The following PTPRD variants were observed in gnomAD, a reference collection of about 807,000 sequenced individuals.
PTPRD encodes the protein receptor-type tyrosine-protein phosphatase delta.
Under a neutral mutation model 214.5 loss-of-function variants are expected in PTPRD, and 34 were observed. The ratio of observed to expected loss-of-function variants is 0.16; its 90% CI spans 0.12 to 0.21. The LOEUF (loss-of-function observed/expected upper bound fraction) is 0.21, where lower values mean the gene tolerates loss of function less well. PTPRD is among the 10% of genes least tolerant of loss of function. PTPRD has a pLI of 1.00. For missense variants in PTPRD, 2,545 were observed against 2,398.7 expected (o/e 1.06, Z -1.27); for synonymous variants, 1,128 against 845.7 (o/e 1.33, Z -5.79).
chr9:9,381,098 T>G (rs1262542175), intron 9 of PTPRD, among the ~76,000 whole-genome samples: 3 of 152,150 alleles, frequency 2.0e-5, no homozygotes, highest in Admixed American at 2.0e-4. Flanking sequence ...GGCTTCCCTA[T>G]AGACAACATA....
intron 5 of PTPRD, among the ~76,000 whole-genome samples, chr9:9,780,532 A>C (rs1290143728): frequency 1.3e-5 from 2 of 152,204 alleles, no homozygotes; most frequent in East Asian, 3.9e-4. Context: ...GGTAACAAAG[A>C]GTTACCACCA....
At chr9:8,899,749 G>T (rs180682965) in intron 11 of PTPRD, among the ~76,000 whole-genome samples, 1 of 152,150 alleles carries the variant, frequency 6.6e-6, no homozygotes, top group African/African-American at 2.4e-5. Flanking sequence ...GCTAAATTTC[G>T]CCCAGATGCT....
In PTPRD at chr9:10,330,406, C is replaced by T. The variant is rs949763220; in HGVS notation, c.-545+10557G>A. ...TTCCTGGGCAGATTTGCACTCCTGA[C>T]TGTGGGTTATTATAAGATAATGTAG... On this transcript the variant is annotated intron_variant, in intron 3 of 45. Coordinates refer to ENST00000381196, the MANE Select transcript of PTPRD (RefSeq NM_002839.4). 3.3e-5 allele frequency among the ~76,000 whole-genome samples: 5 copies of T among 151,808 alleles called. No homozygotes were observed. The South Asian group carries it at 6.2e-4, about 19-fold the overall frequency.
At chr9:10,302,613 C>T (rs984993223) in intron 3 of PTPRD, among the ~76,000 whole-genome samples, 2 of 152,102 alleles carry the variant, frequency 1.3e-5, no homozygotes, top group African/African-American at 2.4e-5. Flanking sequence ...GGGTTACAAT[C>T]GTAGTCTCTG....
At chr9:8,958,567 T>C (rs2099143461) in intron 11 of PTPRD, among the ~76,000 whole-genome samples, 1 of 151,854 alleles carries the variant, frequency 6.6e-6, no homozygotes, top group Non-Finnish European at 1.5e-5. Context: ...AATGATTGAC[T>C]CAGAAACCAA....
intron 11 of PTPRD, among the ~76,000 whole-genome samples, chr9:8,735,137 TG>T (rs2089885909): frequency 7.0e-6 from 1 of 143,644 alleles, no homozygotes; most frequent in South Asian, 2.2e-4. Context: ...GGTTTTTTTT[TG>T]TTTTTTTTTT....
Position 9,641,922 on chromosome 9 carries a change from G to T in PTPRD, c.-286-67141C>A, listed in dbSNP as rs143214847. 3.0e-3 allele frequency among the ~76,000 whole-genome samples: 453 copies of T among 152,218 alleles called. 5 individuals are homozygous for T. Among genetic ancestry groups the T allele is most frequent in the African/African-American group, 0.01 (430 of 41,540 alleles). On this transcript the variant is annotated intron_variant, in intron 7 of 45. Coordinates refer to ENST00000381196, the MANE Select transcript of PTPRD (RefSeq NM_002839.4). ...CCTCAGGACTCAGACCTTAGCTATAGATTAAAATAAGTTAATCATGCTGCT... is the reference window on the plus strand; with the variant it reads ...CCTCAGGACTCAGACCTTAGCTATATATTAAAATAAGTTAATCATGCTGCT...
intron 5 of PTPRD, among the ~76,000 whole-genome samples, chr9:9,834,183 T>C (rs1245517572): frequency 1.3e-5 from 2 of 152,226 alleles, no homozygotes; most frequent in East Asian, 3.9e-4. Flanking sequence ...ATCCACGTTC[T>C]TCTGCCATGG....
chr9:9,644,708 C>G (rs1271590006), intron 7 of PTPRD, among the ~76,000 whole-genome samples: 1 of 151,866 alleles, frequency 6.6e-6, no homozygotes, highest in African/African-American at 2.4e-5. Flanking sequence ...CAAAATGTTG[C>G]TTTTTCCAAA....
intron 9 of PTPRD, among the ~76,000 whole-genome samples, chr9:9,271,467 C>T (rs1227991816): frequency 6.6e-6 from 1 of 151,288 alleles, no homozygotes; most frequent in African/African-American, 2.4e-5. Flanking sequence ...AAATACAGTT[C>T]ATATTCTTAC....
intron 3 of PTPRD, among the ~76,000 whole-genome samples, chr9:10,302,538 C>G (rs1033221860): frequency 6.6e-6 from 1 of 152,152 alleles, no homozygotes; most frequent in African/African-American, 2.4e-5. Context: ...TGCAAAGACA[C>G]ACATATGCTC....
At chr9:10,078,734 G>A (rs291320) in intron 3 of PTPRD, among the ~76,000 whole-genome samples, 151,902 of 152,110 alleles carry the variant, frequency 1, 75,848 homozygotes, top group Middle Eastern at 1. Context: ...GTTTCAAAAT[G>A]TGCCTCCTAG....
chr9:10,414,775 A>G (rs960311035), intron 2 of PTPRD, among the ~76,000 whole-genome samples: 5 of 151,912 alleles, frequency 3.3e-5, no homozygotes, highest in African/African-American at 9.7e-5. Context: ...GAATGAGATC[A>G]TATCTTTTGT....
At chr9:8,379,976 G>A (rs1012029077) in intron 37 of PTPRD, among the ~76,000 whole-genome samples, 1 of 152,210 alleles carries the variant, frequency 6.6e-6, no homozygotes, top group South Asian at 2.1e-4. Flanking sequence ...CTATTGTGGG[G>A]ATTGAAGTGA....
intron 3 of PTPRD, among the ~76,000 whole-genome samples, chr9:10,094,985 T>A (rs1017464490): frequency 6.6e-6 from 1 of 151,432 alleles, no homozygotes; most frequent in East Asian, 1.9e-4. Flanking sequence ...TGTTTTAGGA[T>A]TCATTACAAT....
intron 2 of PTPRD, among the ~76,000 whole-genome samples, chr9:10,432,428 A>G (rs1036250688): frequency 6.6e-6 from 1 of 151,550 alleles, no homozygotes; most frequent in African/African-American, 2.4e-5. Context: ...CTAAAACTTA[A>G]AGTATAATAA....
intron 8 of PTPRD, among the ~76,000 whole-genome samples, chr9:9,529,696 T>G (rs978617110): frequency 1.6e-4 from 24 of 151,790 alleles, no homozygotes; most frequent in African/African-American, 5.1e-4. Flanking sequence ...GGAAAAAAAA[T>G]GCCAGTCACT....
intron 8 of PTPRD, among the ~76,000 whole-genome samples, chr9:9,426,648 G>A (rs966346901): frequency 6.6e-6 from 1 of 152,164 alleles, no homozygotes; most frequent in African/African-American, 2.4e-5. Flanking sequence ...TAACTGGAAG[G>A]CACCTCCCAG....
chr9:10,554,570 A>G lies in PTPRD; in HGVS notation c.-600+57828T>C, dbSNP rs548222940. ...CAGGTATTTGAGAATTCCAATTTCC[A>G]GGATAATATATTATTTGACCTTTGC... On this transcript the variant is annotated intron_variant, in intron 2 of 45. Transcript: ENST00000381196. Among the ~76,000 whole-genome samples, 7 of 152,320 alleles carry G rather than the reference A, an allele frequency of 4.6e-5. No individual in the cohort carries two copies. The South Asian group carries it at 1.4e-3, about 32-fold the overall frequency.
Sources: allele counts gnomAD v4.1 joint callset (sites outside exome capture counted in the v4.1 genomes callset), GRCh38; gene constraint gnomAD v4.1.1; transcripts MANE v1.5; gene names NCBI Gene and HGNC (gene_info 2026-07-23, HGNC 2026-07-21).